Variants in PRKAR1B observed in about 807,000 individuals in gnomAD.
PRKAR1B encodes cAMP-dependent protein kinase type I-beta regulatory subunit.
A neutral mutation model predicts 46.5 loss-of-function variants in PRKAR1B; 22 were observed. That is an observed-to-expected ratio of 0.47 (90% CI 0.34 to 0.68). PRKAR1B has a LOEUF of 0.68. Ranked by LOEUF, PRKAR1B falls within the 30% of genes least tolerant of loss-of-function variation. The pLI is 0.01. For missense variants in PRKAR1B, 445 were observed against 535.6 expected (o/e 0.83, Z 1.67); for synonymous variants, 259 against 217.7 (o/e 1.19, Z -1.67).
chr7:726,079 AGCCAGTTTCTGCATG>A (rs1781256436), intron 1 of PRKAR1B, among the ~76,000 whole-genome samples: 1 of 870 alleles, frequency 1.1e-3, no homozygotes, highest in Non-Finnish European at 2.7e-3. Flanking sequence ...TTCTGCATGC[AGCCAGTTTCTGCATG>A]CAGCCAGTTT....
At chr7:568,526 T>G (rs1779308116) in intron 9 of PRKAR1B, among the ~76,000 whole-genome samples, 1 of 152,168 alleles carries the variant, frequency 6.6e-6, no homozygotes, top group African/African-American at 2.4e-5. Flanking sequence ...GACCAAGTGC[T>G]CAAGGGCCCC....
In PRKAR1B at chr7:584,584, T is replaced by C. The variant is rs9330368; in HGVS notation, c.709-16A>G. The C allele has an allele frequency of 6.2e-7, 1 of 1,609,464 alleles. No homozygotes were observed. Among genetic ancestry groups the C allele is most frequent in the Admixed American group, 1.7e-5 (1 of 59,650 alleles). ...GCGTGCTGCCCTGTTCGGGAGAAAG[T>C]AAAAAACAGACAAGAAGGTGAATCT... On this transcript the variant is annotated splice_polypyrimidine_tract_variant and intron_variant, in intron 7 of 10. Coordinates refer to ENST00000537384, the MANE Select transcript of PRKAR1B (RefSeq NM_001164760.2).
At chr7:583,135 G>A (rs574974140) in intron 8 of PRKAR1B, among the ~76,000 whole-genome samples, 82 of 152,242 alleles carry the variant, frequency 5.4e-4, no homozygotes, top group Non-Finnish European at 2.1e-4. Flanking sequence ...GATGGGAGCG[G>A]TGCCGACAAC....
intron 6 of PRKAR1B, 110 bp downstream of exon 6, chr7:606,083 C>G: frequency 1.0e-6 from 1 of 976,198 alleles, no homozygotes; most frequent in Non-Finnish European, 1.6e-6. Context: ...ACTAGGAATA[C>G]GGCACTCAGC....
rs766956791 is a variant in PRKAR1B at position 711,314 on chromosome 7, G to GT, written c.177+14_177+15insA. The stretch of plus-strand genomic sequence containing the variant: ...CACGTGCGAAGGGAAGCAGCGGGCG[G>GT]CGGGGGCCACTCACCTTCTCCAGCT... On this transcript the variant is annotated intron_variant, in intron 2 of 10. Transcript: ENST00000537384. 3.1e-6 allele frequency: 5 copies of GT among 1,613,768 alleles called. No homozygotes were observed. Among genetic ancestry groups the GT allele is most frequent in the Non-Finnish European group, 4.2e-6 (5 of 1,179,758 alleles).
intron 4 of PRKAR1B, among the ~76,000 whole-genome samples, chr7:609,722 CT>C (rs1562560625): frequency 6.6e-6 from 1 of 152,138 alleles, no homozygotes; most frequent in East Asian, 1.9e-4. Context: ...TTCTTTGCTC[CT>C]TTTACAGCTG....
chr7:588,819 ATGG>A (rs199767114), intron 7 of PRKAR1B, among the ~76,000 whole-genome samples: 52 of 30,466 alleles, frequency 1.7e-3, no homozygotes, highest in East Asian at 4.7e-3. Flanking sequence ...GATCACGATG[ATGG>A]TGGTGATGGT....
chr7:555,201 G>A lies in PRKAR1B; in HGVS notation c.892-3731C>T, dbSNP rs145789200. Among the ~76,000 whole-genome samples the A allele has an allele frequency of 1.2e-3, 189 of 152,350 alleles. 3 individuals carry two copies. In the East Asian group the frequency reaches 0.033, roughly 27 times the overall value. On this transcript the variant is annotated intron_variant, in intron 9 of 10. Transcript: ENST00000537384. Reference sequence around the variant, plus strand: ...CTGGGGAATATGACCCATGGGACTGGACGTGCCCCGCTCTGGGGAGGGGCT... The same window carrying A: ...CTGGGGAATATGACCCATGGGACTGAACGTGCCCCGCTCTGGGGAGGGGCT...
chr7:641,594 C>A (rs1330554445), intron 4 of PRKAR1B, among the ~76,000 whole-genome samples: 1 of 152,276 alleles, frequency 6.6e-6, no homozygotes, highest in Middle Eastern at 3.4e-3. Context: ...CCCACAGGTC[C>A]ATGGCAGGGA....
intron 4 of PRKAR1B, among the ~76,000 whole-genome samples, chr7:630,929 G>A (rs748712046): frequency 3.6e-4 from 54 of 151,684 alleles, no homozygotes; most frequent in South Asian, 6.2e-4. Flanking sequence ...GGTTTCAACA[G>A]AGGGCTTGCA....
intron 4 of PRKAR1B, among the ~76,000 whole-genome samples, chr7:647,661 C>T (rs1583352643): frequency 6.6e-6 from 1 of 151,914 alleles, no homozygotes; most frequent in Admixed American, 6.6e-5. Context: ...AAAAAATTAG[C>T]CGGGCGAGGT....
intron 8 of PRKAR1B, 110 bp from the exon 9 acceptor site, chr7:579,487 A>C (rs1265703622): frequency 2.9e-6 from 4 of 1,371,334 alleles, no homozygotes; most frequent in South Asian, 2.6e-5. Context: ...AGCAATCACA[A>C]CACCAGCTCC....
intron 2 of PRKAR1B, among the ~76,000 whole-genome samples, chr7:694,003 G>A (rs184960022): frequency 6.6e-4 from 100 of 152,324 alleles, no homozygotes; most frequent in Non-Finnish European, 8.7e-4. Flanking sequence ...ACCTGGACTC[G>A]GCCGGGCGTG....
rs1778722414 is a variant in PRKAR1B at position 560,558 on chromosome 7, G to A, written c.892-9088C>T. 6.6e-6 allele frequency among the ~76,000 whole-genome samples: 1 copy of A among 152,112 alleles called. No homozygotes were observed. Among genetic ancestry groups the A allele is most frequent in the Non-Finnish European group, 1.5e-5 (1 of 68,026 alleles). ...GGCCAGGAACAAATGGGACTGAGGA[G>A]GCTCCTGTCCTGCACCTTGGGCCAG... On this transcript the variant is annotated intron_variant, in intron 9 of 10. Coordinates refer to ENST00000537384, the MANE Select transcript of PRKAR1B (RefSeq NM_001164760.2). This position sits in a 1 kb window ranked among gnomAD's most constrained non-coding sequence, Gnocchi z 4.2.
intron 4 of PRKAR1B, among the ~76,000 whole-genome samples, chr7:619,194 G>A (rs1369578418): frequency 2.0e-5 from 3 of 152,178 alleles, no homozygotes; most frequent in Non-Finnish European, 1.5e-5. Context: ...AAGCACAGCA[G>A]GGAGGCAACA....
rs78260651 is a variant in PRKAR1B at position 551,459 on chromosome 7, G to A, written c.903C>T (p.Ser301=). Residue 301 remains serine, a synonymous_variant, in exon 10 of 11, where the codon TCC becomes TCT. Transcript: ENST00000537384. ...CATTGGGGGACCGGCGCTGCAGCACGGACGCGGTGCCCTGTGGGTGGAGGT... is the reference window on the plus strand; with the variant it reads ...CATTGGGGGACCGGCGCTGCAGCACAGACGCGGTGCCCTGTGGGTGGAGGT... The part of the protein sequence containing the change: ...DFYIITEGTA[S]VLQRRSPNEE... 2.0e-3 allele frequency: 3,147 copies of A among 1,555,100 alleles called. 21 individuals are homozygous for A. The highest frequency in any genetic ancestry group is 1.7e-3 in the African/African-American group (128 of 73,914).
At chr7:692,361 T>C (rs1475510726) in intron 2 of PRKAR1B, among the ~76,000 whole-genome samples, 3 of 151,934 alleles carry the variant, frequency 2.0e-5, no homozygotes, top group African/African-American at 7.3e-5. Context: ...GATCGCGCCA[T>C]GGCACTCCAG....
At chr7:571,229 G>A (rs1438668435) in intron 9 of PRKAR1B, among the ~76,000 whole-genome samples, 3 of 152,030 alleles carry the variant, frequency 2.0e-5, no homozygotes, top group Admixed American at 6.6e-5. Flanking sequence ...CAGGAGCCTC[G>A]CAGCGCAGGC....
chr7:584,678 C>G (rs1256654673), intron 7 of PRKAR1B, 110 bp from the exon 8 acceptor site: 1 of 903,570 alleles, frequency 1.1e-6, no homozygotes, highest in African/African-American at 1.6e-5. Flanking sequence ...TGAGACCCTC[C>G]AAGCATTCCA....
Sources: allele counts gnomAD v4.1 joint callset (sites outside exome capture counted in the v4.1 genomes callset), GRCh38; gene constraint gnomAD v4.1.1; non-coding constraint Gnocchi (gnomAD v3.1); transcripts MANE v1.5; gene names NCBI Gene and HGNC (gene_info 2026-07-23, HGNC 2026-07-21).